Variants in MYO6 observed in about 807,000 individuals in gnomAD.
The protein encoded by MYO6 is myosin VI, also known as unconventional myosin-VI.
A neutral mutation model predicts 178.7 loss-of-function variants in MYO6; 74 were observed. The ratio of observed to expected loss-of-function variants is 0.41; its 90% confidence interval spans 0.34 to 0.50. MYO6 has a LOEUF of 0.50. MYO6 is among the 20% of genes least tolerant of loss of function. MYO6 has a pLI of 0.09. For synonymous variants in MYO6, 477 were observed against 504.6 expected, an observed-to-expected ratio of 0.95 and a Z score of 0.73; for missense variants, 1,330 against 1,547.4, an observed-to-expected ratio of 0.86 and a Z score of 2.36.
At position 75,848,460 on chromosome 6, in the gene MYO6, A is replaced by T. The variant is rs200159398; in HGVS notation, c.1007A>T (p.Asp336Val). 1 of 1,613,838 alleles carries T rather than the reference A, an allele frequency of 6.2e-7. No homozygotes were observed. The highest frequency in any genetic ancestry group is 1.1e-5 in the South Asian group (1 of 91,076). The change falls in exon 11 of 35, where the codon GAT becomes GTT. Residue 336 changes from aspartate to valine, a missense_variant. Physicochemically the swap from Asp to Val is radical, Grantham distance 152 (BLOSUM62 -3). Coordinates refer to ENST00000369977, the MANE Select transcript of MYO6 (RefSeq NM_004999.4). ...GGTTTGGATGATGAAGAAAAGCTTG[A>T]TCTCTTCCGGGTAGTAGCTGGCGTC... ...KIGLDDEEKL[D>V]LFRVVAGVLH...
intron 1 of MYO6, among the ~76,000 whole-genome samples, chr6:75,775,873 AT>A (rs1766336064): frequency 6.6e-6 from 1 of 152,164 alleles, no homozygotes; most frequent in South Asian, 2.1e-4. Flanking sequence ...AATTAGTGAT[AT>A]TTACAAGGTA....
chr6:75,839,445 C>T (rs910205194), intron 7 of MYO6, among the ~76,000 whole-genome samples: 4 of 152,156 alleles, frequency 2.6e-5, no homozygotes, highest in Admixed American at 6.5e-5. Context: ...GCCTCGGCCT[C>T]CCAGAGTGCT....
chr6:75,787,620 C>G (rs2150072225), intron 1 of MYO6, among the ~76,000 whole-genome samples: 1 of 138,522 alleles, frequency 7.2e-6, no homozygotes, highest in Non-Finnish European at 1.5e-5. Context: ...CATGAGGGAA[C>G]TTTTTGGGGG....
chr6:75,750,689 C>T (rs563811120), intron 1 of MYO6, among the ~76,000 whole-genome samples: 4 of 151,948 alleles, frequency 2.6e-5, no homozygotes, highest in Non-Finnish European at 4.4e-5. Flanking sequence ...AACGATTGAC[C>T]TCCCTCAGCC....
At chr6:75,773,336 A>G (rs937812850) in intron 1 of MYO6, among the ~76,000 whole-genome samples, 1 of 152,246 alleles carries the variant, frequency 6.6e-6, no homozygotes, top group African/African-American at 2.4e-5. Flanking sequence ...AAGGTTCGGA[A>G]TGACAGCCAC....
At chr6:75,907,790 G>GTGTA (rs1780447896) in intron 31 of MYO6, 82 bp downstream of exon 31, 1 of 882,576 alleles carries the variant, frequency 1.1e-6, no homozygotes, top group Non-Finnish European at 1.8e-6. Context: ...AGGTGTGTGT[G>GTGTA]TGTATGTGTG....
chr6:75,910,330 T>A (rs915193119), intron 32 of MYO6, among the ~76,000 whole-genome samples: 2 of 152,184 alleles, frequency 1.3e-5, no homozygotes, highest in African/African-American at 4.8e-5. Flanking sequence ...TGATCACACT[T>A]CTTAAAAAGA....
chr6:75,787,708 CTCTCTCTCTCTCTCTCTCTCTCTA>C (rs1319336828), intron 1 of MYO6, among the ~76,000 whole-genome samples: 105 of 71,986 alleles, frequency 1.5e-3, no homozygotes, highest in Non-Finnish European at 2.1e-3. Flanking sequence ...CTCTCTCTCT[CTCTCTCTCTCTCTCTCTCTCTCTA>C]TATATATATA....
At chr6:75,855,866 G>A (rs1464650294) in intron 12 of MYO6, among the ~76,000 whole-genome samples, 1 of 152,102 alleles carries the variant, frequency 6.6e-6, no homozygotes, top group Non-Finnish European at 1.5e-5. Flanking sequence ...TTGTCATTCT[G>A]AGGCACTGCA....
chr6:75,840,741 G>C, intron 8 of MYO6, 59 bp downstream of exon 8: 2 of 1,241,904 alleles, frequency 1.6e-6, no homozygotes, highest in South Asian at 2.5e-5. Context: ...AAATGCAAGG[G>C]TCAGTTGGTG....
intron 23 of MYO6, among the ~76,000 whole-genome samples, chr6:75,885,259 C>T (rs1397475651): frequency 2.6e-5 from 4 of 152,052 alleles, no homozygotes; most frequent in South Asian, 2.1e-4. Flanking sequence ...ACTGGCTGGG[C>T]GTGGTGGCTC....
intron 1 of MYO6, among the ~76,000 whole-genome samples, chr6:75,810,331 C>G (rs1232768963): frequency 6.6e-6 from 1 of 152,080 alleles, no homozygotes; most frequent in Non-Finnish European, 1.5e-5. Flanking sequence ...CAAAATATGT[C>G]AAAGAAATAT....
In MYO6 at chr6:75,805,021, A is replaced by ATATATATT. The variant is rs1252912172; in HGVS notation, c.-47-12479_-47-12478insATATATTT. ...CACACACATATATATATATATATAT[A>ATATATATT]TTTTTTTTTTTTTTTTTTTTGAGAC... On this transcript the variant is annotated intron_variant, in intron 1 of 34. Coordinates refer to ENST00000369977, the MANE Select transcript of MYO6 (RefSeq NM_004999.4). Among the ~76,000 whole-genome samples, 37 of 77,284 alleles carry ATATATATT rather than the reference A, an allele frequency of 4.8e-4. No homozygotes were observed. The East Asian group carries it at 6.2e-3, about 13-fold the overall frequency. The allele number at this position is 77,284 out of a possible 152,430, so 50.7% of individuals were successfully genotyped here. A position where few individuals can be genotyped will look rare whatever the true frequency, so the allele number is the denominator to read the frequency against.
In MYO6 at chr6:75,835,886, C is replaced by T. The variant is rs1319478353; in HGVS notation, c.498-15C>T. 6.6e-7 allele frequency: 1 copy of T among 1,509,400 alleles called. No homozygotes were observed. The highest frequency in any genetic ancestry group is 2.3e-5 in the East Asian group (1 of 44,312). 93.5% of individuals were successfully genotyped at this position (1,509,400 alleles called of 1,614,324 possible). On this transcript the variant is annotated splice_polypyrimidine_tract_variant and intron_variant, in intron 6 of 34. Transcript: ENST00000369977. ...ATTATTGTCATCAACATTTTTTATC[C>T]TATATTTTAAACAGATACCTGACTG...
At chr6:75,829,784 G>A (rs903414052) in intron 4 of MYO6, among the ~76,000 whole-genome samples, 1 of 152,106 alleles carries the variant, frequency 6.6e-6, no homozygotes, top group African/African-American at 2.4e-5. Flanking sequence ...TTAAAAGCAA[G>A]CTTAAGTTGC....
intron 23 of MYO6, among the ~76,000 whole-genome samples, chr6:75,885,703 C>T (rs900124296): frequency 1.3e-5 from 2 of 152,118 alleles, no homozygotes; most frequent in Non-Finnish European, 2.9e-5. Flanking sequence ...GCCTTGGCCT[C>T]CCGAAGTGCT....
chr6:75,763,693 A>G (rs1273138475), intron 1 of MYO6, among the ~76,000 whole-genome samples: 3 of 152,218 alleles, frequency 2.0e-5, no homozygotes, highest in African/African-American at 7.2e-5. Context: ...TATGTAACAC[A>G]ATAGTATATT....
At chr6:75,876,265 A>G (rs1777562967) in intron 20 of MYO6, among the ~76,000 whole-genome samples, 1 of 152,198 alleles carries the variant, frequency 6.6e-6, no homozygotes, top group South Asian at 2.1e-4. Flanking sequence ...ACATATTTGT[A>G]TAATTATTTT....
intron 30 of MYO6, among the ~76,000 whole-genome samples, chr6:75,904,016 G>A (rs558375053): frequency 0.016 from 2,486 of 152,112 alleles, 73 homozygotes; most frequent in African/African-American, 0.057. Flanking sequence ...TGAAATTCTG[G>A]ATTGAAAATT....
Sources: allele counts gnomAD v4.1 joint callset (sites outside exome capture counted in the v4.1 genomes callset), GRCh38; gene constraint gnomAD v4.1.1; transcripts MANE v1.5; gene names NCBI Gene and HGNC (gene_info 2026-07-23, HGNC 2026-07-21).